GRM7: variants seen among roughly 807,000 people sequenced by gnomAD.
GRM7 encodes the protein glutamate metabotropic receptor 7, also known as metabotropic glutamate receptor 7.
A neutral mutation model predicts 84.5 loss-of-function variants in GRM7; 35 were observed. That is an observed-to-expected ratio of 0.41 (90% CI 0.32 to 0.55). The LOEUF (loss-of-function observed/expected upper bound fraction) is 0.55. Ranked by LOEUF, GRM7 falls within the 20% of genes least tolerant of loss-of-function variation. The probability of loss-of-function intolerance (pLI) is 0.19; values close to 1 mark genes in which losing one functional copy is unlikely to be tolerated. For missense variants in GRM7, 1,003 were observed against 1,194.6 expected, an observed-to-expected ratio of 0.84 and a Z score of 2.36; for synonymous variants, 487 against 455.1, an observed-to-expected ratio of 1.07 and a Z score of -0.89.
intron 2 of GRM7, among the ~76,000 whole-genome samples, chr3:7,217,993 A>G (rs1696671245): frequency 6.6e-6 from 1 of 151,998 alleles, no homozygotes; most frequent in South Asian, 2.1e-4. Context: ...ATAGTGTTAC[A>G]TATGTTGTAT....
At chr3:7,274,370 A>T (rs1334962466) in intron 2 of GRM7, among the ~76,000 whole-genome samples, 2 of 152,020 alleles carry the variant, frequency 1.3e-5, no homozygotes, top group East Asian at 3.8e-4. Flanking sequence ...CTCCATGTAG[A>T]TATGAGTTTC....
At chr3:7,146,082 C>T (rs760520818) in intron 1 of GRM7, among the ~76,000 whole-genome samples, 4 of 152,130 alleles carry the variant, frequency 2.6e-5, no homozygotes, top group Non-Finnish European at 5.9e-5. Context: ...TACACTCCAG[C>T]CAGGTTGTTG....
chr3:6,873,285 C>T (rs1466077760), intron 1 of GRM7, among the ~76,000 whole-genome samples: 1 of 152,174 alleles, frequency 6.6e-6, no homozygotes, highest in African/African-American at 2.4e-5. Context: ...ACTGGCCAGG[C>T]TGGTCCCGAA....
At position 6,973,144 on chromosome 3, in the gene GRM7, T is replaced by A. The variant is rs1333710953; in HGVS notation, c.519+111237T>A. Among the ~76,000 whole-genome samples, 6 of 152,328 alleles carry A rather than the reference T, an allele frequency of 3.9e-5. No homozygotes were observed. The East Asian group carries it at 1.2e-3, about 29-fold the overall frequency. On this transcript the variant is annotated intron_variant, in intron 1 of 9. Transcript: ENST00000357716. ...AAAAATAAGGTATTGCATACGCAGA[T>A]GTTTTGGTTAGTTTTAGAAGTGCTT...
intron 7 of GRM7, among the ~76,000 whole-genome samples, chr3:7,479,181 A>T (rs1402690519): frequency 4.6e-5 from 7 of 152,062 alleles, no homozygotes; most frequent in Non-Finnish European, 8.8e-5. Flanking sequence ...AAAGGGAAAG[A>T]GGCCAGGACA....
Position 7,476,115 on chromosome 3 carries a change from G to T in GRM7, c.1515+14393G>T, listed in dbSNP as rs533630780. Among the ~76,000 whole-genome samples, 4 of 152,274 alleles carry T rather than the reference G, an allele frequency of 2.6e-5. No individual in the cohort carries two copies. The East Asian group carries it at 7.7e-4, about 29-fold the overall frequency. On this transcript the variant is annotated intron_variant, in intron 7 of 9. Coordinates refer to ENST00000357716, the MANE Select transcript of GRM7 (RefSeq NM_000844.4). ...TGGGCTGTGGAGGCAGGCTGCCTGG[G>T]TTTAAATCCCATGTTTCACCACCTA...
chr3:7,581,589 A>G (rs1474202980), intron 8 of GRM7, among the ~76,000 whole-genome samples: 1 of 152,216 alleles, frequency 6.6e-6, no homozygotes, highest in Non-Finnish European at 1.5e-5. Context: ...CAAATGTAAC[A>G]AAGAGATCAC....
At chr3:7,201,077 C>T (rs1441011949) in intron 2 of GRM7, among the ~76,000 whole-genome samples, 3 of 145,164 alleles carry the variant, frequency 2.1e-5, no homozygotes, top group African/African-American at 7.7e-5. Flanking sequence ...TCATGCCATT[C>T]TCCTGCCTCA....
At chr3:7,716,098 C>A (rs551596453) in intron 9 of GRM7, among the ~76,000 whole-genome samples, 1 of 152,052 alleles carries the variant, frequency 6.6e-6, no homozygotes. Context: ...CTGAGAAAAC[C>A]CAACATCTAA....
intron 7 of GRM7, among the ~76,000 whole-genome samples, chr3:7,497,460 T>C (rs1328782043): frequency 6.6e-6 from 1 of 152,190 alleles, no homozygotes; most frequent in Non-Finnish European, 1.5e-5. Flanking sequence ...TATCTAGATT[T>C]ACTACAGTCT....
At chr3:7,430,001 T>C (rs1434581790) in intron 5 of GRM7, among the ~76,000 whole-genome samples, 1 of 152,060 alleles carries the variant, frequency 6.6e-6, no homozygotes, top group Non-Finnish European at 1.5e-5. Context: ...AACTTGGAAG[T>C]AGTGAGATGG....
intron 8 of GRM7, among the ~76,000 whole-genome samples, chr3:7,620,334 CAAAT>C (rs926261988): frequency 2.6e-5 from 4 of 151,996 alleles, no homozygotes; most frequent in African/African-American, 9.7e-5. Context: ...TTTTATCTGG[CAAAT>C]AAAATAAGAA....
At chr3:7,473,762 G>A (rs1698808766) in intron 7 of GRM7, among the ~76,000 whole-genome samples, 1 of 152,140 alleles carries the variant, frequency 6.6e-6, no homozygotes, top group Non-Finnish European at 1.5e-5. Context: ...GCCCAGTTGA[G>A]TGATCAGTAT....
At chr3:7,375,996 T>C (rs774634243) in intron 4 of GRM7, among the ~76,000 whole-genome samples, 18 of 152,208 alleles carry the variant, frequency 1.2e-4, no homozygotes, top group Non-Finnish European at 2.4e-4. Context: ...CAAGTGACTA[T>C]GAGTTACAGC....
chr3:6,891,799 G>T (rs900416486), intron 1 of GRM7, among the ~76,000 whole-genome samples: 4 of 152,160 alleles, frequency 2.6e-5, no homozygotes, highest in Admixed American at 1.3e-4. Context: ...GATTGGGGAA[G>T]TTCTCCTTTA....
intron 1 of GRM7, chr3:6,892,962 C>T (rs1696025577): frequency 6.6e-6 from 1 of 152,024 alleles, no homozygotes; most frequent in Non-Finnish European, 1.5e-5. Context: ...TGTAATGTGT[C>T]CTCTTTCTGT....
chr3:7,535,043 A>G (rs1701189985), intron 7 of GRM7, among the ~76,000 whole-genome samples: 1 of 152,182 alleles, frequency 6.6e-6, no homozygotes, highest in South Asian at 2.1e-4. Context: ...TTGTGGGAGT[A>G]TCAGGTGTTA....
chr3:6,929,040 T>C (rs911043126), intron 1 of GRM7, among the ~76,000 whole-genome samples: 5 of 152,102 alleles, frequency 3.3e-5, no homozygotes, highest in African/African-American at 1.2e-4. Context: ...TGATAAATAA[T>C]TGGAAAAGGA....
At position 7,415,023 on chromosome 3, in the gene GRM7, G is replaced by A. The variant is rs1161472438; in HGVS notation, c.1034G>A (p.Gly345Glu). ...GACCTTTTCATTTAACTCTGTTTAG[G>A]GTTTGATGCCTACTTTACGTCCCGT... ...TIQPKRATVE[G>E]FDAYFTSRTL... Residue 345 changes from glycine (G) to glutamate (E), a missense_variant and splice_region_variant, in exon 5 of 10, where the codon GGG becomes GAG. Physicochemically the swap from Gly to Glu is moderately conservative, Grantham distance 98. Coordinates refer to ENST00000357716, the MANE Select transcript of GRM7 (RefSeq NM_000844.4). The A allele has an allele frequency of 6.2e-7, 1 of 1,611,224 alleles. No homozygotes were observed. The highest frequency in any genetic ancestry group is 8.5e-7 in the Non-Finnish European group (1 of 1,178,064).
Sources: gnomAD v4.1 joint callset for allele counts (sites outside exome capture counted in the v4.1 genomes callset) on GRCh38, gnomAD v4.1.1 for gene constraint, MANE v1.5 for transcripts, NCBI Gene and HGNC (gene_info 2026-07-23, HGNC 2026-07-21) for gene names.